PUS7: variants seen among roughly 807,000 people sequenced by gnomAD.
PUS7 encodes the protein pseudouridylate synthase 7 homolog.
PUS7 carries 48 observed loss-of-function variants against 79.8 expected under a neutral mutation model. The observed-to-expected ratio is 0.60, with a 90% CI of 0.48 to 0.76. PUS7 has a LOEUF of 0.76. Among genes scored for constraint, PUS7 ranks in the 30% least tolerant of loss-of-function variants. PUS7 has a pLI of 0.00. For synonymous variants in PUS7, 286 were observed against 272.2 expected (o/e 1.05, Z -0.50); for missense variants, 729 against 797.6 (o/e 0.91, Z 1.04).
rs1339665154 is a variant in PUS7, at chr7:105,457,881, G to A, written c.1895C>T (p.Ser632Phe). ...TCGAATGGCCATGGTGGCGTAAGTA[G>A]AAGGGGGTAGAGAAAAATCCATTTT... ...ALKMDFSLPP[S>F]TYATMAIREV... is the part of the protein sequence containing the mutation. The change falls in exon 16 of 16, where the codon TCT becomes TTT. Residue 632 changes from serine to phenylalanine, a missense_variant. Transcript: ENST00000469408. 2 of 1,613,990 alleles carry A rather than the reference G, an allele frequency of 1.2e-6. No individual in the cohort carries two copies. The highest frequency in any genetic ancestry group is 2.2e-5 in the East Asian group (1 of 44,890).
At chr7:105,478,140 T>C (rs532321541) in intron 9 of PUS7, among the ~76,000 whole-genome samples, 1 of 152,338 alleles carries the variant, frequency 6.6e-6, no homozygotes, top group East Asian at 1.9e-4. Flanking sequence ...TTCATTCACG[T>C]TGCAGAATGT....
intron 7 of PUS7, among the ~76,000 whole-genome samples, chr7:105,487,950 T>C (rs1206306647): frequency 1.3e-5 from 2 of 152,216 alleles, no homozygotes; most frequent in East Asian, 1.9e-4. Flanking sequence ...TGTGGCAGAG[T>C]GGGTTTCTCC....
At chr7:105,514,245 A>T (rs1448407924) in intron 1 of PUS7, among the ~76,000 whole-genome samples, 2 of 133,502 alleles carry the variant, frequency 1.5e-5, no homozygotes, top group Non-Finnish European at 3.2e-5. Context: ...AAAAAAAAAA[A>T]TAGTTATTAT....
intron 4 of PUS7, among the ~76,000 whole-genome samples, chr7:105,505,540 A>T (rs1437068474): frequency 1.3e-5 from 2 of 152,160 alleles, no homozygotes; most frequent in Non-Finnish European, 2.9e-5. Flanking sequence ...ATTGTGGTAT[A>T]ATTGGTACTC....
At chr7:105,491,762 A>G in intron 6 of PUS7, 145 bp from the exon 7 acceptor site, 1 of 604,958 alleles carries the variant, frequency 1.7e-6, no homozygotes, top group Non-Finnish European at 2.8e-6. Flanking sequence ...TTATTTTAAC[A>G]TGAATCCAGG....
At chr7:105,506,618 G>T (rs993459684) in intron 2 of PUS7, among the ~76,000 whole-genome samples, 3 of 151,776 alleles carry the variant, frequency 2.0e-5, no homozygotes, top group East Asian at 1.9e-4. Flanking sequence ...AGACGGGGTT[G>T]CACCATTTTG....
chr7:105,462,033 C>A (rs1823448734), intron 14 of PUS7, among the ~76,000 whole-genome samples: 1 of 147,150 alleles, frequency 6.8e-6, no homozygotes, highest in Non-Finnish European at 1.5e-5. Flanking sequence ...ACAGAAAGAA[C>A]CTGCCTCTAT....
rs34249093 is a variant in PUS7, at chr7:105,508,871, T to TAAAAAAAAAAAAAAAA, written c.-32-343_-32-328dup. On this transcript the variant is annotated intron_variant, in intron 1 of 15. Coordinates refer to ENST00000469408, the MANE Select transcript of PUS7 (RefSeq NM_019042.5). ...TGGGCGACAGAGTGAGACATTGTCT[T>TAAAAAAAAAAAAAAAA]AAAAAAAAAAAAAAAAAAAAAAAAA... Among the ~76,000 whole-genome samples, 10 of 22,926 alleles carry TAAAAAAAAAAAAAAAA rather than the reference T, an allele frequency of 4.4e-4. 1 individual carries two copies. The highest frequency in any genetic ancestry group is 8.1e-4 in the Admixed American group (1 of 1,234). 15.0% of individuals were successfully genotyped at this position (22,926 alleles called of 152,430 possible).
At chr7:105,474,723 G>A (rs1824017833) in intron 9 of PUS7, among the ~76,000 whole-genome samples, 1 of 152,204 alleles carries the variant, frequency 6.6e-6, no homozygotes, top group Non-Finnish European at 1.5e-5. Flanking sequence ...GGAGGTTGCA[G>A]TGAGCCGAGA....
At chr7:105,519,605 A>G (rs768276989) in intron 1 of PUS7, among the ~76,000 whole-genome samples, 6 of 152,238 alleles carry the variant, frequency 3.9e-5, no homozygotes, top group Non-Finnish European at 5.9e-5. Flanking sequence ...CATTCTGCAA[A>G]TATTTACTGA....
Position 105,495,599 on chromosome 7 carries a change from G to T in PUS7, c.731-346C>A, listed in dbSNP as rs137859756. On this transcript the variant is annotated intron_variant, in intron 5 of 15. Transcript: ENST00000469408. ...GCAAGACCCGTCTCCACTAAAAATAGCCAGGCATGGTGGTACACGCCTGTG... is the reference window on the plus strand; with the variant it reads ...GCAAGACCCGTCTCCACTAAAAATATCCAGGCATGGTGGTACACGCCTGTG... 2.6e-3 allele frequency among the ~76,000 whole-genome samples: 394 copies of T among 151,968 alleles called. 3 individuals carry two copies. The highest frequency in any genetic ancestry group is 9.1e-3 in the African/African-American group (379 of 41,430).
At chr7:105,513,044 T>C (rs957667524) in intron 1 of PUS7, among the ~76,000 whole-genome samples, 1 of 152,078 alleles carries the variant, frequency 6.6e-6, no homozygotes, top group Non-Finnish European at 1.5e-5. Flanking sequence ...AGAGCAGGTG[T>C]TGGAAGAAGA....
At chr7:105,509,536 T>C (rs1457115330) in intron 1 of PUS7, among the ~76,000 whole-genome samples, 2 of 152,178 alleles carry the variant, frequency 1.3e-5, no homozygotes, top group Non-Finnish European at 2.9e-5. Context: ...AGTGGCATGA[T>C]CACAGCTCAC....
intron 13 of PUS7, 92 bp from the exon 14 acceptor site, chr7:105,462,842 G>A: frequency 1.7e-6 from 2 of 1,195,616 alleles, no homozygotes; most frequent in Non-Finnish European, 2.4e-6. Context: ...TGTAAGTTCA[G>A]TTAGACTGCC....
Position 105,491,625 on chromosome 7 carries a change from G to A in PUS7, c.843-8C>T, listed in dbSNP as rs376160958. ...AATATATTTGGCTTGACTCTGGTAA[G>A]AGAGAAACAAGATCATCTGAAGTCA... is the stretch of plus-strand genomic sequence containing the variant. On this transcript the variant is annotated splice_region_variant and splice_polypyrimidine_tract_variant and intron_variant, in intron 6 of 15. Coordinates refer to ENST00000469408, the MANE Select transcript of PUS7 (RefSeq NM_019042.5). The A allele has an allele frequency of 1.3e-6, 2 of 1,519,100 alleles. No homozygotes were observed. Among genetic ancestry groups the A allele is most frequent in the African/African-American group, 1.4e-5 (1 of 72,684 alleles). 94.1% of individuals were successfully genotyped at this position (1,519,100 alleles called of 1,614,324 possible).
In PUS7 at chr7:105,457,762, G is replaced by A. The variant is rs1823245017; in HGVS notation, c.*28C>T. 6 of 1,607,024 alleles carry A rather than the reference G, an allele frequency of 3.7e-6. No homozygotes were observed. Among genetic ancestry groups the A allele is most frequent in the Admixed American group, 1.7e-5 (1 of 59,172 alleles). The stretch of plus-strand genomic sequence containing the variant: ...AGCCAGGAAGCAAACACTTGTGTAC[G>A]TTTTCTAATCTGTGGACAAGGTACT... On this transcript the variant is annotated 3_prime_UTR_variant, in exon 16 of 16. Coordinates refer to ENST00000469408, the MANE Select transcript of PUS7 (RefSeq NM_019042.5).
In PUS7 at chr7:105,457,098, G is replaced by C. The variant is rs868083932; in HGVS notation, c.*692C>G. ...GTGCAAGATTGAGAATTGCAGGATT[G>C]CACTGCAATCCAGCCTGTGCTACAG... On this transcript the variant is annotated 3_prime_UTR_variant, in exon 16 of 16. Coordinates refer to ENST00000469408, the MANE Select transcript of PUS7 (RefSeq NM_019042.5). 9 of 151,762 alleles carry C rather than the reference G, an allele frequency of 5.9e-5. No homozygotes were observed. Among genetic ancestry groups the C allele is most frequent in the African/African-American group, 2.2e-4 (9 of 41,280 alleles). 9.4% of individuals were successfully genotyped at this position (151,762 alleles called of 1,614,324 possible). A position where few individuals can be genotyped will look rare whatever the true frequency, so the allele number is the denominator to read the frequency against.
rs1414106062 is a variant in PUS7 at position 105,506,220 on chromosome 7, A to G, written c.452T>C (p.Leu151Ser). The stretch of plus-strand genomic sequence containing the variant: ...ATCCACTGGAATGGACAAGTCATTC[A>G]AATGGCTGATCCGTCCATCTTTTCC... ...EIGKDGRISH[L>S]NDLSIPVDEE... Residue 151 changes from leucine to serine, a missense_variant, in exon 3 of 16, where the codon TTG (leucine) becomes TCG (serine). Transcript: ENST00000469408. 1 of 1,613,488 alleles carries G rather than the reference A, an allele frequency of 6.2e-7. No individual in the cohort carries two copies. Among genetic ancestry groups the G allele is most frequent in the Non-Finnish European group, 8.5e-7 (1 of 1,179,822 alleles).
intron 1 of PUS7, among the ~76,000 whole-genome samples, chr7:105,509,036 T>G (rs1282690128): frequency 6.8e-6 from 1 of 146,612 alleles, no homozygotes; most frequent in African/African-American, 2.5e-5. Context: ...AAAAAAAAAC[T>G]AGCTGGGCGT....
Sources: allele counts gnomAD v4.1 joint callset (sites outside exome capture counted in the v4.1 genomes callset), GRCh38; gene constraint gnomAD v4.1.1; transcripts MANE v1.5; gene names NCBI Gene and HGNC (gene_info 2026-07-23, HGNC 2026-07-21).